UBN1: variants seen among roughly 807,000 people sequenced by gnomAD.
UBN1 encodes ubinuclein-1.
In UBN1, 17 loss-of-function variants were observed where a neutral mutation model predicts 108.5. The ratio of observed to expected loss-of-function variants is 0.16; its 90% CI spans 0.11 to 0.24. The LOEUF (loss-of-function observed/expected upper bound fraction) is 0.24, where lower values mean the gene tolerates loss of function less well. Ranked by LOEUF, UBN1 falls within the 10% of genes least tolerant of loss-of-function variation. UBN1 has a pLI of 1.00. For missense variants in UBN1, 1,595 were observed against 1,394.4 expected (o/e 1.14, Z -2.29); for synonymous variants, 726 against 564.2 (o/e 1.29, Z -4.07).
intron 1 of UBN1, among the ~76,000 whole-genome samples, chr16:4,851,310 C>G (rs893237192): frequency 1.3e-5 from 2 of 152,028 alleles, no homozygotes; most frequent in African/African-American, 2.4e-5. Flanking sequence ...ACAAAAAATA[C>G]AAAAATTAGC....
In UBN1 at chr16:4,877,278, G is replaced by A; in HGVS notation, c.3266-107G>A. ...ACTGCCCCTTTGGGTGTGGTGCCCA[G>A]ACTGGCCTGGCAGGTTATCGGGGGC... On this transcript the variant is annotated intron_variant, in intron 16 of 17. Coordinates refer to ENST00000262376, the MANE Select transcript of UBN1 (RefSeq NM_001079514.3). This position sits in a 1 kb window ranked among gnomAD's most constrained non-coding sequence, Gnocchi z 4.3. 1 of 1,525,920 alleles carries A rather than the reference G, an allele frequency of 6.6e-7. No homozygotes were observed. Among genetic ancestry groups the A allele is most frequent in the Non-Finnish European group, 8.8e-7 (1 of 1,132,398 alleles). 94.5% of individuals were successfully genotyped at this position (1,525,920 alleles called of 1,614,324 possible). A position where few individuals can be genotyped will look rare whatever the true frequency, so the allele number is the denominator to read the frequency against.
At chr16:4,861,133 TG>T (rs1430224342) in intron 7 of UBN1, 31 bp downstream of exon 7, 1 of 1,583,880 alleles carries the variant, frequency 6.3e-7, no homozygotes, top group Non-Finnish European at 8.6e-7. Flanking sequence ...TGGGCTTTCC[TG>T]GAAGCAGTTT....
Position 4,852,633 on chromosome 16 carries a change from T to G in UBN1, c.-39-246T>G, listed in dbSNP as rs992879830. 16 of 257,838 alleles carry G rather than the reference T, an allele frequency of 6.2e-5. 1 individual carries two copies. The highest frequency in any genetic ancestry group is 3.4e-4 in the African/African-American group (15 of 44,662). The allele number at this position is 257,838 out of a possible 1,614,324, so 16.0% of individuals were successfully genotyped here. A position where few individuals can be genotyped will look rare whatever the true frequency, so the allele number is the denominator to read the frequency against. ...TAAGGCTCTGTCAGCATGGGTTCTT[T>G]AAGGTCAAGGATCTAGGATACACAT... On this transcript the variant is annotated intron_variant, in intron 1 of 17. Coordinates refer to ENST00000262376, the MANE Select transcript of UBN1 (RefSeq NM_001079514.3).
At position 4,877,317 on chromosome 16, in the gene UBN1, A is replaced by T. The variant is rs1291151167; in HGVS notation, c.3266-68A>T. 2 of 1,557,142 alleles carry T rather than the reference A, an allele frequency of 1.3e-6. No homozygotes were observed. On this transcript the variant is annotated intron_variant, in intron 16 of 17. Coordinates refer to ENST00000262376, the MANE Select transcript of UBN1 (RefSeq NM_001079514.3). The surrounding 1 kb of genome is among the most constrained non-coding windows in gnomAD (Gnocchi z 4.3). ...GTTATCGGGGGCTTTTGGCTGCTGG[A>T]GCTGCTTTCCTGTTCCTGTCTTCAA...
In UBN1 at chr16:4,875,215, T is replaced by G. The variant is rs2087823020; in HGVS notation, c.2805T>G (p.Pro935=). The G allele has an allele frequency of 1.2e-6, 2 of 1,614,124 alleles. No individual in the cohort carries two copies. The highest frequency in any genetic ancestry group is 1.7e-6 in the Non-Finnish European group (2 of 1,180,054). Residue 935 remains proline, a synonymous_variant, in exon 15 of 18, where the codon CCT becomes CCG. Transcript: ENST00000262376. ...VQSSVSGSLV[P]GIQPPSVGQA... is the part of the protein sequence containing the mutation. The stretch of plus-strand genomic sequence containing the variant: ...GTTCTGTTTCTGGGAGCCTGGTCCC[T>G]GGCATACAGCCTCCCTCCGTGGGAC...
intron 1 of UBN1, among the ~76,000 whole-genome samples, chr16:4,849,441 A>G (rs565940487): frequency 1.2e-4 from 18 of 152,134 alleles, no homozygotes; most frequent in Non-Finnish European, 2.5e-4. Context: ...CTGTTTCATC[A>G]ATAACCAGTT....
chr16:4,852,711 T>G (rs2086616490), intron 1 of UBN1, 168 bp from the exon 2 acceptor site: 1 of 641,248 alleles, frequency 1.6e-6, no homozygotes. Flanking sequence ...TCTGAATGAT[T>G]GTGAAAAAAT....
At position 4,860,999 on chromosome 16, in the gene UBN1, G is replaced by A. The variant is rs149384361; in HGVS notation, c.1007G>A (p.Ser336Asn). The A allele has an allele frequency of 8.9e-5, 144 of 1,614,254 alleles. No homozygotes were observed. The highest frequency in any genetic ancestry group is 1.3e-4 in the East Asian group (6 of 44,882). Residue 336 changes from serine to asparagine, a missense_variant, in exon 7 of 18, where the codon AGT becomes AAT. By Grantham distance (46) the Ser-to-Asn change is conservative (BLOSUM62 1). Coordinates refer to ENST00000262376, the MANE Select transcript of UBN1 (RefSeq NM_001079514.3). Reference protein sequence around the residue: ...GSPFRDMDDGSDSLGVGLDQE... With the variant: ...GSPFRDMDDGNDSLGVGLDQE... Reference sequence around the variant, plus strand: ...CCCTTCCGAGATATGGATGATGGAAGTGATTCCCTTGGGGTGGGATTGGAC... The same window carrying A: ...CCCTTCCGAGATATGGATGATGGAAATGATTCCCTTGGGGTGGGATTGGAC...
rs937544716 is a variant in UBN1, at chr16:4,858,633, A to G, written c.402A>G (p.Glu134=). The G allele has an allele frequency of 1.2e-6, 2 of 1,614,206 alleles. No homozygotes were observed. Among genetic ancestry groups the G allele is most frequent in the Admixed American group, 1.7e-5 (1 of 60,022 alleles). ...DLIDMGYGYD[E]SDSFIDNSEA... is the part of the protein sequence containing the mutation. ...TCGATATGGGGTATGGTTATGATGA[A>G]TCCGACTCCTTCATCGATAACTCTG... is the stretch of plus-strand genomic sequence containing the variant. The change falls in exon 4 of 18, where the codon GAA becomes GAG. Residue 134 remains glutamate, a synonymous_variant. Transcript: ENST00000262376.
chr16:4,857,136 GC>G (rs1458733747), intron 2 of UBN1, among the ~76,000 whole-genome samples: 2 of 151,912 alleles, frequency 1.3e-5, no homozygotes, highest in Non-Finnish European at 2.9e-5. Flanking sequence ...GAGCCCAGGA[GC>G]TTGAGACCAG....
intron 4 of UBN1, 69 bp from the exon 5 acceptor site, chr16:4,858,956 G>A (rs1211030692): frequency 5.1e-6 from 8 of 1,574,618 alleles, no homozygotes; most frequent in South Asian, 1.2e-5. Flanking sequence ...CATCTCTCTC[G>A]AGACCCACTT....
intron 12 of UBN1, 106 bp downstream of exon 12, chr16:4,871,407 G>C: frequency 5.4e-6 from 8 of 1,487,786 alleles, no homozygotes; most frequent in Non-Finnish European, 7.2e-6. Flanking sequence ...TCACTGTCTA[G>C]CTGCCTCAAC....
In UBN1 at chr16:4,859,595, A is replaced by G. The variant is rs768509570; in HGVS notation, c.568-270A>G. Among the ~76,000 whole-genome samples the G allele has an allele frequency of 6.6e-5, 10 of 152,202 alleles. No individual in the cohort carries two copies. In the South Asian group the frequency reaches 1.9e-3, roughly 28 times the overall value. ...TACCACTGCCTATGTGTTTAAGATG[A>G]GAGGTAGGGCCCACTTGTAACTTTC... On this transcript the variant is annotated intron_variant, in intron 5 of 17. Transcript: ENST00000262376.
chr16:4,871,788 G>C (rs555699017), intron 12 of UBN1, among the ~76,000 whole-genome samples: 1 of 151,784 alleles, frequency 6.6e-6, no homozygotes, highest in Non-Finnish European at 1.5e-5. Flanking sequence ...GGGTTTCACC[G>C]TGTTAGCCAG....
Position 4,874,316 on chromosome 16 carries a change from G to T in UBN1, c.1906G>T (p.Ala636Ser). The T allele has an allele frequency of 6.2e-7, 1 of 1,614,120 alleles. No individual in the cohort carries two copies. Among genetic ancestry groups the T allele is most frequent in the Non-Finnish European group, 8.5e-7 (1 of 1,180,032 alleles). The change falls in exon 15 of 18, where the codon GCC becomes TCC. Residue 636 changes from alanine (A) to serine (S), a missense_variant. Coordinates refer to ENST00000262376, the MANE Select transcript of UBN1 (RefSeq NM_001079514.3). Reference sequence around the variant, plus strand: ...CCAAACAGGAGGCCTGAGTATTGGGGCCTCGAGCAGGGAGCTCCCATCCCA... The same window carrying T: ...CCAAACAGGAGGCCTGAGTATTGGGTCCTCGAGCAGGGAGCTCCCATCCCA... ...DHQTGGLSIG[A>S]SSRELPSQAS...
intron 2 of UBN1, among the ~76,000 whole-genome samples, chr16:4,855,336 C>T (rs181445358): frequency 2.0e-5 from 3 of 152,146 alleles, no homozygotes; most frequent in African/African-American, 7.2e-5. Context: ...TTTTCTTGGC[C>T]TGGCATAGTG....
At chr16:4,853,208 CA>C (rs767268538) in intron 2 of UBN1, 42 bp downstream of exon 2, 9 of 1,607,200 alleles carry the variant, frequency 5.6e-6, no homozygotes, top group South Asian at 2.2e-5. Context: ...GTTTAACGCA[CA>C]GGGGTCAGTG....
Position 4,874,405 on chromosome 16 carries a change from G to C in UBN1, c.1995G>C (p.Leu665Phe). The change falls in exon 15 of 18, where the codon TTG (leucine) becomes TTC (phenylalanine). Residue 665 changes from leucine (L) to phenylalanine (F), a missense_variant. Physicochemically the swap from Leu to Phe is conservative, Grantham distance 22. Transcript: ENST00000262376. Reference protein sequence around the residue: ...VNLEDSLDEDLIRNPASSVEA... With the variant: ...VNLEDSLDEDFIRNPASSVEA... Reference sequence around the variant, plus strand: ...TGGAGGACTCATTGGATGAAGACTTGATCCGCAATCCAGCCTCCTCGGTGG... The same window carrying C: ...TGGAGGACTCATTGGATGAAGACTTCATCCGCAATCCAGCCTCCTCGGTGG... The C allele has an allele frequency of 6.2e-7, 1 of 1,614,020 alleles. No individual in the cohort carries two copies. Among genetic ancestry groups the C allele is most frequent in the Non-Finnish European group, 8.5e-7 (1 of 1,180,012 alleles).
rs1019614779 is a variant in UBN1 at position 4,874,497 on chromosome 16, C to T, written c.2087C>T (p.Pro696Leu). 4.3e-6 allele frequency: 7 copies of T among 1,614,108 alleles called. No individual in the cohort carries two copies. In the African/African-American group the frequency reaches 6.7e-5, roughly 15 times the overall value. Reference sequence around the variant, plus strand: ...GCTGGGAACTCTGAATTCACACTGCCTGCACCCTCAAAAGCACCTGCAGAA... The same window carrying T: ...GCTGGGAACTCTGAATTCACACTGCTTGCACCCTCAAAAGCACCTGCAGAA... ...RAAGNSEFTL[P>L]APSKAPAEKV... is the part of the protein sequence containing the mutation. The change falls in exon 15 of 18, where the codon CCT (proline) becomes CTT (leucine). Residue 696 changes from proline to leucine, a missense_variant. Physicochemically the swap from Pro to Leu is moderately conservative, Grantham distance 98. Around this residue, in one of 3 missense-constraint regions of UBN1, gnomAD observed 1,398 missense variants for 1,194.7 expected, o/e 1.17. Coordinates refer to ENST00000262376, the MANE Select transcript of UBN1 (RefSeq NM_001079514.3).
Sources: allele counts gnomAD v4.1 joint callset (sites outside exome capture counted in the v4.1 genomes callset), GRCh38; gene constraint gnomAD v4.1.1; regional missense constraint gnomAD v4.1.1; non-coding constraint Gnocchi (gnomAD v3.1); transcripts MANE v1.5; gene names NCBI Gene and HGNC (gene_info 2026-07-23, HGNC 2026-07-21).